PPEF1: variants seen among roughly 807,000 people sequenced by gnomAD.
The protein encoded by PPEF1 is protein phosphatase with EF-hand domain 1, also known as serine/threonine-protein phosphatase with EF-hands 1.
Under a neutral mutation model 53.3 loss-of-function variants are expected in PPEF1, and 12 were observed. The observed-to-expected ratio is 0.23, with a 90% CI of 0.14 to 0.36. The LOEUF (loss-of-function observed/expected upper bound fraction) is 0.36. PPEF1 is among the 10% of genes least tolerant of loss of function. The pLI is 1.00. For synonymous variants in PPEF1, 165 were observed against 176.7 expected (o/e 0.93, Z 0.52); for missense variants, 334 against 490.4 (o/e 0.68, Z 3.01).
chrX:18,795,264 C>T (rs975286363), intron 10 of PPEF1, among the ~76,000 whole-genome samples: 2 of 112,082 alleles, frequency 1.8e-5, no homozygotes, highest in African/African-American at 6.5e-5. Context: ...GAGCTGAGAT[C>T]GTGCCACTGC....
intron 4 of PPEF1, among the ~76,000 whole-genome samples, chrX:18,755,969 A>G (rs5909082): frequency 0.41 from 44,604 of 109,780 alleles, 7,963 homozygotes; most frequent in Non-Finnish European, 0.57. Context: ...GCATTTTTGT[A>G]TTCATCTGTG....
chrX:18,715,222 G>A (rs141843241), intron 1 of PPEF1, among the ~76,000 whole-genome samples: 1,980 of 109,128 alleles, frequency 0.018, 46 homozygotes, highest in African/African-American at 0.063. Flanking sequence ...ACCACTGAGT[G>A]AGACCCTGAC....
intron 4 of PPEF1, among the ~76,000 whole-genome samples, chrX:18,695,889 C>G (rs1408648648): frequency 2.7e-5 from 3 of 112,016 alleles, no homozygotes; most frequent in African/African-American, 9.7e-5. Flanking sequence ...CACCAGGTGA[C>G]CCCAATAGAA....
chrX:18,744,305 C>T (rs1484774936), intron 3 of PPEF1, among the ~76,000 whole-genome samples: 1 of 112,089 alleles, frequency 8.9e-6, no homozygotes, highest in Non-Finnish European at 1.9e-5. Flanking sequence ...GTTGGGTACT[C>T]TGAAGATAAG....
At chrX:18,701,666 T>C (rs1323902880) in intron 6 of PPEF1, among the ~76,000 whole-genome samples, 1 of 112,110 alleles carries the variant, frequency 8.9e-6, no homozygotes, top group Admixed American at 9.5e-5. Flanking sequence ...CTTTGGGAAA[T>C]AGTGGTCAGC....
intron 5 of PPEF1, 133 bp downstream of exon 5, chrX:18,757,874 T>G (rs1385182394): frequency 2.4e-6 from 1 of 409,617 alleles, no homozygotes; most frequent in African/African-American, 2.5e-5. Context: ...TCTATCATGA[T>G]AATACTGTTC....
At chrX:18,717,067 CTTT>C (rs113154046) in intron 1 of PPEF1, among the ~76,000 whole-genome samples, 1 of 89,058 alleles carries the variant, frequency 1.1e-5, no homozygotes. Context: ...TTCCTTTTTC[CTTT>C]TTTTTTTTTT....
At chrX:18,806,642 C>A in intron 12 of PPEF1, 97 bp downstream of exon 12, 1 of 836,894 alleles carries the variant, frequency 1.2e-6, no homozygotes, top group Non-Finnish European at 1.6e-6. Context: ...TGAAGAGAGT[C>A]ATTTATAGCT....
chrX:18,774,248 C>T (rs1447792179), intron 6 of PPEF1, among the ~76,000 whole-genome samples: 1 of 111,385 alleles, frequency 9.0e-6, no homozygotes, highest in East Asian at 2.8e-4. Flanking sequence ...CGCCACCACA[C>T]CTGGCTAATT....
chrX:18,744,554 G>A (rs905665090), intron 3 of PPEF1, among the ~76,000 whole-genome samples: 2 of 111,670 alleles, frequency 1.8e-5, no homozygotes, highest in African/African-American at 3.3e-5. Context: ...AGAGACTGGC[G>A]GAAGCGGGGA....
chrX:18,762,875 A>G (rs2045694233), intron 6 of PPEF1, among the ~76,000 whole-genome samples: 1 of 111,459 alleles, frequency 9.0e-6, no homozygotes, highest in African/African-American at 3.3e-5. Flanking sequence ...CACCTCTAAC[A>G]TTATTGTTCC....
chrX:18,733,098 C>T (rs760460851), intron 2 of PPEF1, among the ~76,000 whole-genome samples: 5 of 111,207 alleles, frequency 4.5e-5, no homozygotes, highest in East Asian at 2.8e-4. Context: ...CCCAGCTACT[C>T]GGGACACTGA....
intron 7 of PPEF1, among the ~76,000 whole-genome samples, chrX:18,781,951 C>CT (rs2046096051): frequency 9.1e-6 from 1 of 110,399 alleles, no homozygotes; most frequent in African/African-American, 3.3e-5. Context: ...TCAGTCTTTT[C>CT]TTTTTTCCAA....
At chrX:18,735,429 G>T (rs2147388764) in intron 3 of PPEF1, among the ~76,000 whole-genome samples, 1 of 111,896 alleles carries the variant, frequency 8.9e-6, no homozygotes, top group African/African-American at 3.2e-5. Flanking sequence ...TCAAATACCA[G>T]ATGGTTGTAG....
At chrX:18,727,187 C>T (rs922183631) in intron 1 of PPEF1, among the ~76,000 whole-genome samples, 1 of 111,833 alleles carries the variant, frequency 8.9e-6, no homozygotes, top group African/African-American at 3.2e-5. Context: ...GTTCCTCAGT[C>T]TCTGTCAGCT....
chrX:18,675,186 C>T (rs750551373), upstream of PPEF1, among the ~76,000 whole-genome samples: 1 of 113,131 alleles, frequency 8.8e-6, no homozygotes, highest in Admixed American at 9.2e-5. Flanking sequence ...GAGGCCGGAA[C>T]CCCGGCCGAG....
At chrX:18,817,489 G>GTGCCACCA (rs979492747) in intron 12 of PPEF1, among the ~76,000 whole-genome samples, 1 of 110,260 alleles carries the variant, frequency 9.1e-6, no homozygotes, top group Non-Finnish European at 1.9e-5. Context: ...CTACAGGCAC[G>GTGCCACCA]TGCCACCATG....
chrX:18,827,438 T>G lies in PPEF1; in HGVS notation c.1913T>G (p.Val638Gly). 3.3e-6 allele frequency: 4 copies of G among 1,211,312 alleles called. No individual in the cohort carries two copies. Among genetic ancestry groups the G allele is most frequent in the Non-Finnish European group, 4.5e-6 (4 of 895,134 alleles). Residue 638 changes from valine to glycine, a missense_variant, in exon 16 of 16, where the codon GTG (valine) becomes GGG (glycine). Physicochemically the swap from Val to Gly is moderately radical, Grantham distance 109 (BLOSUM62 -3). Coordinates refer to ENST00000470157, the MANE Select transcript of PPEF1 (RefSeq NM_001377996.1). Reference sequence around the variant, plus strand: ...GAGTTTTTAAAGGCTTTCTATGTAGTGCATAGATATGAAGACTTGATGAAA... The same window carrying G: ...GAGTTTTTAAAGGCTTTCTATGTAGGGCATAGATATGAAGACTTGATGAAA... ...FNEFLKAFYVVHRYEDLMKPD... is the reference protein window; with the variant it reads ...FNEFLKAFYVGHRYEDLMKPD...
At chrX:18,782,689 G>C (rs2046111253) in intron 8 of PPEF1, among the ~76,000 whole-genome samples, 1 of 111,457 alleles carries the variant, frequency 9.0e-6, no homozygotes, top group Non-Finnish European at 1.9e-5. Flanking sequence ...TTTTACTTAG[G>C]TGTGGTAAAA....
Sources: allele counts gnomAD v4.1 joint callset (sites outside exome capture counted in the v4.1 genomes callset), GRCh38; gene constraint gnomAD v4.1.1; transcripts MANE v1.5; gene names NCBI Gene and HGNC (gene_info 2026-07-23, HGNC 2026-07-21).